The following PHACTR1 variants were observed in gnomAD, a reference collection of about 807,000 sequenced individuals.
The protein encoded by PHACTR1 is RPEL repeat containing 1.
PHACTR1 carries 16 observed loss-of-function variants against 69.2 expected under a neutral mutation model. The observed-to-expected ratio is 0.23, with a 90% CI of 0.16 to 0.35. The LOEUF is 0.35. PHACTR1 is among the 10% of genes least tolerant of loss of function. The pLI is 1.00. For missense variants in PHACTR1, 510 were observed against 734.7 expected (o/e 0.69, Z 3.54); for synonymous variants, 312 against 284.5 (o/e 1.10, Z -0.97).
intron 11 of PHACTR1, chr6:13,274,992 T>C (rs1297546237): frequency 6.6e-6 from 1 of 152,178 alleles, no homozygotes; most frequent in Non-Finnish European, 1.5e-5. Flanking sequence ...CTCCTAAATA[T>C]TTTTTTAAAT....
rs541985975 is a variant in PHACTR1 at position 12,960,711 on chromosome 6, T to A, written c.251-92654T>A. On this transcript the variant is annotated intron_variant, in intron 4 of 14. Transcript: ENST00000332995. Reference sequence around the variant, plus strand: ...TCAGCCATGCTATAAGTTGTGATTCTGCCCTTTTCTCATCCTGAATCTGAT... The same window carrying A: ...TCAGCCATGCTATAAGTTGTGATTCAGCCCTTTTCTCATCCTGAATCTGAT... Among the ~76,000 whole-genome samples the A allele has an allele frequency of 3.9e-5, 6 of 152,318 alleles. No homozygotes were observed. The South Asian group carries it at 1.2e-3, about 32-fold the overall frequency.
At chr6:13,009,596 A>T (rs1799210766) in intron 4 of PHACTR1, among the ~76,000 whole-genome samples, 1 of 152,104 alleles carries the variant, frequency 6.6e-6, no homozygotes, top group Non-Finnish European at 1.5e-5. Flanking sequence ...GTCTCATAAC[A>T]GCTGGGCATT....
intron 6 of PHACTR1, among the ~76,000 whole-genome samples, chr6:13,160,760 T>C (rs1466901518): frequency 1.3e-5 from 2 of 152,212 alleles, no homozygotes; most frequent in African/African-American, 4.8e-5. Flanking sequence ...TTGAAGGAGA[T>C]AAATTTGTGA....
At chr6:12,731,875 A>G (rs1379707788) in intron 3 of PHACTR1, among the ~76,000 whole-genome samples, 1 of 152,186 alleles carries the variant, frequency 6.6e-6, no homozygotes, top group Non-Finnish European at 1.5e-5. Flanking sequence ...GTCGCCACAC[A>G]TTCAAAGGTA....
chr6:13,134,256 G>A (rs71643054), intron 5 of PHACTR1, among the ~76,000 whole-genome samples: 141 of 132,978 alleles, frequency 1.1e-3, no homozygotes, highest in African/African-American at 3.8e-3. Flanking sequence ...GGAGGTGGGG[G>A]GCGCCTCTGC....
chr6:13,198,419 T>C (rs973979613), intron 7 of PHACTR1, among the ~76,000 whole-genome samples: 1 of 152,210 alleles, frequency 6.6e-6, no homozygotes, highest in African/African-American at 2.4e-5. Flanking sequence ...TCAAGAATTA[T>C]GGTTACTCTC....
intron 7 of PHACTR1, among the ~76,000 whole-genome samples, chr6:13,185,702 G>T (rs543430157): frequency 1.9e-4 from 29 of 152,320 alleles, no homozygotes; most frequent in African/African-American, 6.7e-4. Flanking sequence ...TATAATCAGA[G>T]ATTAAAATAT....
intron 4 of PHACTR1, among the ~76,000 whole-genome samples, chr6:12,940,224 T>C (rs554355366): frequency 6.6e-6 from 1 of 152,354 alleles, no homozygotes. Context: ...AATTAGGGAA[T>C]GATTTTTGGT....
intron 4 of PHACTR1, among the ~76,000 whole-genome samples, chr6:13,034,722 G>A (rs1364106716): frequency 6.6e-6 from 1 of 152,098 alleles, no homozygotes; most frequent in Non-Finnish European, 1.5e-5. Context: ...AGCCTGCCTC[G>A]TCTTCCTGAA....
rs186062858 is a variant in PHACTR1 at position 12,832,531 on chromosome 6, G to C, written c.250+82741G>C. ...TCTCTTGTCAACAGGAAGCACTTTG[G>C]GGTTTTTTTTCAACCTGGCCTTGGT... On this transcript the variant is annotated intron_variant, in intron 4 of 14. Transcript: ENST00000332995. 6.6e-5 allele frequency among the ~76,000 whole-genome samples: 10 copies of C among 152,114 alleles called. No homozygotes were observed. In the East Asian group the frequency reaches 1.7e-3, roughly 26 times the overall value.
chr6:12,806,505 A>AG (rs1414646083), intron 4 of PHACTR1, among the ~76,000 whole-genome samples: 1 of 152,024 alleles, frequency 6.6e-6, no homozygotes, highest in Non-Finnish European at 1.5e-5. Context: ...TCTGTTAGAG[A>AG]GGGGGTCTTG....
At chr6:12,996,109 G>A (rs928424265) in intron 4 of PHACTR1, among the ~76,000 whole-genome samples, 14 of 152,054 alleles carry the variant, frequency 9.2e-5, no homozygotes, top group Non-Finnish European at 1.6e-4. Context: ...GCATGTATGT[G>A]TTAGGAAATA....
intron 8 of PHACTR1, among the ~76,000 whole-genome samples, chr6:13,221,800 G>A (rs1298522807): frequency 2.0e-5 from 3 of 152,336 alleles, no homozygotes; most frequent in African/African-American, 7.2e-5. Context: ...CACTTTGGGA[G>A]GCCAAGGCAG....
At chr6:12,830,092 GGAAA>G (rs201322567) in intron 4 of PHACTR1, among the ~76,000 whole-genome samples, 7,628 of 108,734 alleles carry the variant, frequency 0.07, 386 homozygotes, top group African/African-American at 0.17. Context: ...AAGGAAGGAG[GGAAA>G]GAAAGAAAGA....
intron 5 of PHACTR1, among the ~76,000 whole-genome samples, chr6:13,078,702 G>C (rs1357834691): frequency 6.6e-6 from 1 of 152,196 alleles, no homozygotes; most frequent in Non-Finnish European, 1.5e-5. Context: ...CCTGTGATTA[G>C]CATCCTCCTG....
intron 4 of PHACTR1, among the ~76,000 whole-genome samples, chr6:12,992,770 C>T (rs1203042995): frequency 6.6e-6 from 1 of 152,088 alleles, no homozygotes; most frequent in Admixed American, 6.6e-5. Context: ...GAGGGGCTCC[C>T]GAGTGGGTCT....
intron 10 of PHACTR1, among the ~76,000 whole-genome samples, chr6:13,240,218 A>G (rs1772629227): frequency 6.6e-6 from 1 of 152,096 alleles, no homozygotes; most frequent in Non-Finnish European, 1.5e-5. Flanking sequence ...GAATGGATGA[A>G]TCTTCTGGGC....
chr6:12,807,388 G>T (rs555124068), intron 4 of PHACTR1, among the ~76,000 whole-genome samples: 2 of 152,294 alleles, frequency 1.3e-5, no homozygotes, highest in African/African-American at 2.4e-5. Context: ...TGATGGCATT[G>T]AAGAGGTAGA....
At position 13,245,298 on chromosome 6, in the gene PHACTR1, A is replaced by AGG. The variant is rs1773440316; in HGVS notation, c.1391+15105_1391+15106insGG. The stretch of plus-strand genomic sequence containing the variant: ...GGCTGTTTACAATCCCACCAGTAGC[A>AGG]TGTAAGCATTCTCTTTTCCCCACAA... On this transcript the variant is annotated intron_variant, in intron 10 of 14. Transcript: ENST00000332995. The surrounding 1 kb of genome is among the most constrained non-coding windows in gnomAD (Gnocchi z 4.1). 6.6e-6 allele frequency among the ~76,000 whole-genome samples: 1 copy of AGG among 152,218 alleles called. No individual in the cohort carries two copies. Among genetic ancestry groups the AGG allele is most frequent in the Non-Finnish European group, 1.5e-5 (1 of 68,028 alleles).
Sources: gnomAD v4.1 joint callset for allele counts (sites outside exome capture counted in the v4.1 genomes callset) on GRCh38, gnomAD v4.1.1 for gene constraint, Gnocchi (gnomAD v3.1) non-coding constraint, MANE v1.5 for transcripts, NCBI Gene and HGNC (gene_info 2026-07-23, HGNC 2026-07-21) for gene names.